The following OCA2 variants were observed in gnomAD, a reference collection of about 807,000 sequenced individuals.
The protein encoded by OCA2 is OCA2 melanosomal transmembrane protein.
In OCA2, 77 loss-of-function variants were observed where a neutral mutation model predicts 100.2. The ratio of observed to expected loss-of-function variants is 0.77; its 90% confidence interval spans 0.64 to 0.93. The LOEUF (loss-of-function observed/expected upper bound fraction) is 0.93. OCA2 is among the 40% of genes least tolerant of loss of function. The probability of loss-of-function intolerance (pLI) is 0.00; values close to 1 mark genes in which losing one functional copy is unlikely to be tolerated. For synonymous variants in OCA2, 432 were observed against 439.2 expected (o/e 0.98, Z 0.21); for missense variants, 1,062 against 1,089.1 (o/e 0.98, Z 0.35).
At chr15:27,787,452 G>T (rs1417661273) in intron 23 of OCA2, among the ~76,000 whole-genome samples, 1 of 151,920 alleles carries the variant, frequency 6.6e-6, no homozygotes, top group Non-Finnish European at 1.5e-5. Flanking sequence ...CTATTTTCTA[G>T]TTCTCATAGG....
chr15:28,064,876 G>A (rs1025048671), intron 2 of OCA2, among the ~76,000 whole-genome samples: 7 of 149,944 alleles, frequency 4.7e-5, no homozygotes, highest in East Asian at 2.0e-4. Context: ...TATTATTATT[G>A]TTGTTGAAAC....
chr15:27,767,448 G>T (rs555696473), intron 23 of OCA2, among the ~76,000 whole-genome samples: 1 of 152,330 alleles, frequency 6.6e-6, no homozygotes, highest in South Asian at 2.1e-4. Context: ...CTAGAGGATT[G>T]TAAATGCACC....
chr15:27,830,946 A>G (rs977493343), intron 23 of OCA2, among the ~76,000 whole-genome samples: 2 of 152,180 alleles, frequency 1.3e-5, no homozygotes, highest in South Asian at 2.1e-4. Context: ...AAACTCAACT[A>G]TAAGACAAAA....
chr15:27,787,088 T>TA (rs2032851001), intron 23 of OCA2, among the ~76,000 whole-genome samples: 1 of 152,184 alleles, frequency 6.6e-6, no homozygotes, highest in South Asian at 2.1e-4. Flanking sequence ...ATAATTAGGC[T>TA]AACTGATTTT....
the OCA2 span, among the ~76,000 whole-genome samples, chr15:27,732,734 C>T: frequency 1.3e-3 from 197 of 152,324 alleles, 2 homozygotes; most frequent in African/African-American, 4.4e-3. Flanking sequence ...CACAAGTCTT[C>T]TGTGGGCCCC....
At chr15:27,778,643 G>A (rs1419181891) in intron 23 of OCA2, among the ~76,000 whole-genome samples, 1 of 152,092 alleles carries the variant, frequency 6.6e-6, no homozygotes, top group African/African-American at 2.4e-5. Context: ...TGTAGCAGGA[G>A]AGAAGAAAAG....
At chr15:27,847,410 A>C (rs2035578084) in intron 22 of OCA2, among the ~76,000 whole-genome samples, 1 of 152,182 alleles carries the variant, frequency 6.6e-6, no homozygotes, top group Non-Finnish European at 1.5e-5. Flanking sequence ...GAGAACTGGC[A>C]CCAACACATT....
chr15:27,803,358 T>C (rs1296400527), intron 23 of OCA2, among the ~76,000 whole-genome samples: 2 of 151,888 alleles, frequency 1.3e-5, no homozygotes, highest in Non-Finnish European at 2.9e-5. Flanking sequence ...AATAGATAAA[T>C]TGTGGTATAT....
chr15:28,049,426 A>G (rs928297848), intron 2 of OCA2, among the ~76,000 whole-genome samples: 1 of 152,238 alleles, frequency 6.6e-6, no homozygotes, highest in African/African-American at 2.4e-5. Flanking sequence ...GTTCTCACAA[A>G]GTTAAACATA....
At chr15:28,009,504 A>G (rs2042179087) in intron 9 of OCA2, among the ~76,000 whole-genome samples, 1 of 152,166 alleles carries the variant, frequency 6.6e-6, no homozygotes. Context: ...CCTGGCCAAC[A>G]TGGCAAAAGC....
chr15:28,093,028 C>G (rs1367594970), intron 1 of OCA2, among the ~76,000 whole-genome samples: 1 of 151,926 alleles, frequency 6.6e-6, no homozygotes, highest in East Asian at 1.9e-4. Flanking sequence ...AAAGATTTCA[C>G]TAAGGAGGAT....
intron 18 of OCA2, chr15:27,950,606 G>A (rs777568491): frequency 4.0e-6 from 2 of 506,218 alleles, no homozygotes; most frequent in Non-Finnish European, 7.9e-6. Flanking sequence ...AAGAAATGGA[G>A]GGGCTGCAAA....
intron 21 of OCA2, among the ~76,000 whole-genome samples, chr15:27,851,798 C>G (rs1015643542): frequency 6.6e-6 from 1 of 152,122 alleles, no homozygotes; most frequent in Non-Finnish European, 1.5e-5. Flanking sequence ...GCTCATAGAA[C>G]CCTGGAGTGC....
rs1005249502 is a variant in OCA2, at chr15:27,995,395, A to G, written c.1045-4748T>C. On this transcript the variant is annotated intron_variant, in intron 9 of 23. Coordinates refer to ENST00000354638, the MANE Select transcript of OCA2 (RefSeq NM_000275.3). ...TCTTAACAAATTTTATTTCTTTTAA[A>G]AAAAATTTTGTCTTAGAGACAGAGT... Among the ~76,000 whole-genome samples, 23 of 152,172 alleles carry G rather than the reference A, an allele frequency of 1.5e-4. 1 individual carries two copies. Among genetic ancestry groups the G allele is most frequent in the Admixed American group, 1.4e-3 (21 of 15,276 alleles).
intron 19 of OCA2, among the ~76,000 whole-genome samples, chr15:27,893,867 G>A (rs985618526): frequency 6.6e-6 from 1 of 152,086 alleles, no homozygotes; most frequent in Non-Finnish European, 1.5e-5. Flanking sequence ...CTTATCAGTG[G>A]TTCTGCTTTT....
chr15:27,835,462 C>G (rs1031032304), intron 23 of OCA2, among the ~76,000 whole-genome samples: 4 of 152,220 alleles, frequency 2.6e-5, no homozygotes, highest in African/African-American at 9.6e-5. Context: ...TGAGCAGCCT[C>G]CAGATGATTC....
intron 19 of OCA2, among the ~76,000 whole-genome samples, chr15:27,925,307 C>G (rs910243632): frequency 6.6e-6 from 1 of 152,056 alleles, no homozygotes; most frequent in Non-Finnish European, 1.5e-5. Flanking sequence ...GAATATTCTC[C>G]AAGACAGATC....
chr15:27,969,442 T>TA lies in OCA2; in HGVS notation c.1504-2621dup, dbSNP rs2040694645. Among the ~76,000 whole-genome samples, 3 of 152,214 alleles carry TA rather than the reference T, an allele frequency of 2.0e-5. No homozygotes were observed. In the South Asian group the frequency reaches 6.2e-4, roughly 32 times the overall value. ...TTGCACTAAGCTTATTAGGCGCAGG[T>TA]ATCTGGGACACCCTGCTGCTTTTAC... On this transcript the variant is annotated intron_variant, in intron 14 of 23. Coordinates refer to ENST00000354638, the MANE Select transcript of OCA2 (RefSeq NM_000275.3).
Position 27,804,378 on chromosome 15 carries a change from T to C in OCA2, c.2432+40581A>G, listed in dbSNP as rs371086398. On this transcript the variant is annotated intron_variant, in intron 23 of 23. Transcript: ENST00000354638. ...CACAAGGAAGGCACAATTAACCATG[T>C]TTTGAGTGTTGGGTTCTTTGCACTT... Among the ~76,000 whole-genome samples the C allele has an allele frequency of 8.5e-5, 13 of 152,294 alleles. No homozygotes were observed. The South Asian group carries it at 2.3e-3, about 27-fold the overall frequency.
Sources: gnomAD v4.1 joint callset for allele counts (sites outside exome capture counted in the v4.1 genomes callset) on GRCh38, gnomAD v4.1.1 for gene constraint, MANE v1.5 for transcripts, NCBI Gene and HGNC (gene_info 2026-07-23, HGNC 2026-07-21) for gene names.